Variants in HGF observed in about 807,000 individuals in gnomAD.
HGF encodes the protein fibroblast-derived tumor cytotoxic factor.
HGF carries 39 observed loss-of-function variants against 111.6 expected under a neutral mutation model. The observed-to-expected ratio is 0.35, with a 90% CI of 0.27 to 0.46. HGF has a LOEUF of 0.46. Among genes scored for constraint, HGF ranks in the 20% least tolerant of loss-of-function variants. The pLI, the probability that HGF is intolerant of heterozygous loss-of-function variation, is 1.00. For synonymous variants in HGF, 285 were observed against 294.8 expected (o/e 0.97, Z 0.34); for missense variants, 735 against 910.5 (o/e 0.81, Z 2.48).
chr7:81,759,119 T>C (rs1466979292), intron 2 of HGF, among the ~76,000 whole-genome samples: 6 of 152,156 alleles, frequency 3.9e-5, no homozygotes, highest in African/African-American at 1.2e-4. Context: ...GTAACACAAC[T>C]ATTTAAATTA....
At chr7:81,717,889 A>G (rs1789756095) in intron 10 of HGF, among the ~76,000 whole-genome samples, 1 of 152,154 alleles carries the variant, frequency 6.6e-6, no homozygotes, top group African/African-American at 2.4e-5. Flanking sequence ...TCAGTTACAA[A>G]ATATTATTTT....
chr7:81,751,184 C>A (rs1293600066), intron 5 of HGF: 1 of 902,494 alleles, frequency 1.1e-6, no homozygotes, highest in Admixed American at 6.2e-5. Flanking sequence ...TAATAACAAA[C>A]AGGTAAGATA....
rs372844628 is a variant in HGF, at chr7:81,735,438, T to A, written c.866-5659A>T. ...TTTTTTTCTGACACAGGACACAAGA[T>A]TTTATTTCTGTGAATCTCTATTCTG... On this transcript the variant is annotated intron_variant, in intron 7 of 17. Coordinates refer to ENST00000222390, the MANE Select transcript of HGF (RefSeq NM_000601.6). Among the ~76,000 whole-genome samples, 83 of 152,212 alleles carry A rather than the reference T, an allele frequency of 5.5e-4. 1 individual carries two copies. The South Asian group carries it at 0.014, about 26-fold the overall frequency.
At chr7:81,748,727 C>G (rs1283797911) in intron 5 of HGF, among the ~76,000 whole-genome samples, 1 of 152,104 alleles carries the variant, frequency 6.6e-6, no homozygotes, top group African/African-American at 2.4e-5. Context: ...ATCACAAAAA[C>G]TCACAGAGTA....
intron 4 of HGF, chr7:81,755,141 G>A (rs1315261613): frequency 6.6e-6 from 1 of 152,032 alleles, no homozygotes; most frequent in Admixed American, 6.6e-5. Context: ...GAAGGATACA[G>A]ATGTAGATAT....
At chr7:81,738,435 G>T (rs940362055) in intron 7 of HGF, among the ~76,000 whole-genome samples, 3 of 151,966 alleles carry the variant, frequency 2.0e-5, no homozygotes, top group Non-Finnish European at 4.4e-5. Context: ...TGCCCAAAAC[G>T]CTGTTAAAAT....
chr7:81,759,677 T>G (rs1788963768), intron 2 of HGF, among the ~76,000 whole-genome samples: 1 of 152,236 alleles, frequency 6.6e-6, no homozygotes, highest in Non-Finnish European at 1.5e-5. Context: ...GCTAATTTTT[T>G]GTATTTTTAG....
intron 1 of HGF, among the ~76,000 whole-genome samples, chr7:81,769,205 C>A (rs1351519204): frequency 6.6e-6 from 1 of 152,130 alleles, no homozygotes; most frequent in African/African-American, 2.4e-5. Context: ...AGCAACTCCT[C>A]CCCAAACGGC....
intron 7 of HGF, among the ~76,000 whole-genome samples, chr7:81,741,583 CTGTGTG>C (rs78641495): frequency 0.054 from 7,537 of 140,602 alleles, 219 homozygotes; most frequent in Middle Eastern, 0.081. Flanking sequence ...GTGTGTGTGT[CTGTGTG>C]TGTGTGTGTG....
At position 81,699,579 on chromosome 7, in the gene HGF, A is replaced by G. The variant is rs1789231723; in HGVS notation, c.*3002T>C. 1 of 151,626 alleles carries G rather than the reference A, an allele frequency of 6.6e-6. No individual in the cohort carries two copies. The highest frequency in any genetic ancestry group is 2.4e-5 in the African/African-American group (1 of 41,378). The allele number at this position is 151,626 out of a possible 1,614,324, so 9.4% of individuals were successfully genotyped here. ...AGATCTTATTAAAATTCTTTACCAC[A>G]TGATCTCTATATTGCAAAACCAGTA... On this transcript the variant is annotated 3_prime_UTR_variant, in exon 18 of 18. Transcript: ENST00000222390.
At chr7:81,747,621 T>C (rs1788323782) in intron 5 of HGF, among the ~76,000 whole-genome samples, 1 of 152,212 alleles carries the variant, frequency 6.6e-6, no homozygotes, top group African/African-American at 2.4e-5. Flanking sequence ...CATGCCATGA[T>C]TGAATTGAGA....
chr7:81,725,433 G>A (rs1789980443), intron 9 of HGF, among the ~76,000 whole-genome samples: 1 of 152,008 alleles, frequency 6.6e-6, no homozygotes, highest in South Asian at 2.1e-4. Context: ...CACTGCCCTT[G>A]GGTCCTTCTT....
At chr7:81,722,250 T>C (rs1789883893) in intron 9 of HGF, among the ~76,000 whole-genome samples, 1 of 152,008 alleles carries the variant, frequency 6.6e-6, no homozygotes, top group Non-Finnish European at 1.5e-5. Context: ...TTTCTCTTTT[T>C]TTAATTGAGC....
chr7:81,755,779 C>A, intron 4 of HGF: 1 of 488,998 alleles, frequency 2.0e-6, no homozygotes, highest in Non-Finnish European at 3.6e-6. Flanking sequence ...AAGGAAAATA[C>A]TGTGTTTTAG....
Position 81,702,698 on chromosome 7 carries a change from G to A in HGF, c.2070C>T (p.Val690=). 1.2e-6 allele frequency: 2 copies of A among 1,611,662 alleles called. No individual in the cohort carries two copies. The highest frequency in any genetic ancestry group is 2.2e-5 in the South Asian group (2 of 91,016). The part of the protein sequence containing the change: ...EQHKMRMVLG[V]IVPGRGCAIP... ...TGGCACATCCACGACCAGGAACAAT[G>A]ACACCAAGAACCATTCTCATTTTAT... The change falls in exon 18 of 18, where the codon GTC becomes GTT. Residue 690 remains valine, a synonymous_variant. Transcript: ENST00000222390.
In HGF at chr7:81,700,548, A is replaced by G. The variant is rs1039195435; in HGVS notation, c.*2033T>C. ...TAAAATGTGAGTATTTAAAATTATG[A>G]CAATTTTTATAAAAGTTTTACAAAT... is the stretch of plus-strand genomic sequence containing the variant. On this transcript the variant is annotated 3_prime_UTR_variant, in exon 18 of 18. Transcript: ENST00000222390. 1 of 151,682 alleles carries G rather than the reference A, an allele frequency of 6.6e-6. No individual in the cohort carries two copies. The highest frequency in any genetic ancestry group is 2.4e-5 in the African/African-American group (1 of 41,408). 9.4% of individuals were successfully genotyped at this position (151,682 alleles called of 1,614,324 possible). A position where few individuals can be genotyped will look rare whatever the true frequency, so the allele number is the denominator to read the frequency against.
At chr7:81,765,683 C>G (rs1789323860) in intron 1 of HGF, among the ~76,000 whole-genome samples, 1 of 152,080 alleles carries the variant, frequency 6.6e-6, no homozygotes, top group Non-Finnish European at 1.5e-5. Context: ...AAAATTAATT[C>G]CTTATACAAT....
chr7:81,724,398 T>C (rs796263446), intron 9 of HGF, among the ~76,000 whole-genome samples: 7 of 152,228 alleles, frequency 4.6e-5, no homozygotes, highest in African/African-American at 1.7e-4. Context: ...TAAATTTGGC[T>C]TGGGATTTCA....
Position 81,705,745 on chromosome 7 carries a change from A to G in HGF, c.1766T>C (p.Val589Ala). ...LVLMKLARPA[V>A]LDDFVSTIDL... ...AATCGTACTAACAAAATCATCCAGG[A>G]CAGCAGGCCTGAAAACACAAAATAC... The change falls in exon 16 of 18, where the codon GTC becomes GCC. Residue 589 changes from valine (V) to alanine (A), a missense_variant. Val to Ala is a moderately conservative substitution (Grantham distance 64). Around this residue, in one of 3 missense-constraint regions of HGF, gnomAD observed 130 missense variants for 129.9 expected, o/e 1.00. Transcript: ENST00000222390. The G allele has an allele frequency of 6.2e-7, 1 of 1,605,884 alleles. No homozygotes were observed. Among genetic ancestry groups the G allele is most frequent in the Non-Finnish European group, 8.5e-7 (1 of 1,173,030 alleles).
Sources: allele counts gnomAD v4.1 joint callset (sites outside exome capture counted in the v4.1 genomes callset), GRCh38; gene constraint gnomAD v4.1.1; regional missense constraint gnomAD v4.1.1; transcripts MANE v1.5; gene names NCBI Gene and HGNC (gene_info 2026-07-23, HGNC 2026-07-21).